The following ZNF441 variants were observed in gnomAD, a reference collection of about 807,000 sequenced individuals.
ZNF441 encodes zinc finger protein 441.
A neutral mutation model predicts 64.5 loss-of-function variants in ZNF441; 25 were observed. The ratio of observed to expected loss-of-function variants is 0.39; its 90% CI spans 0.28 to 0.54. The LOEUF (loss-of-function observed/expected upper bound fraction) is 0.54. Among genes scored for constraint, ZNF441 ranks in the 20% least tolerant of loss-of-function variants. The pLI is 0.70. For synonymous variants in ZNF441, 262 were observed against 268.0 expected (o/e 0.98, Z 0.22); for missense variants, 715 against 843.3 (o/e 0.85, Z 1.88).
rs957673554 is a variant in ZNF441, at chr19:11,767,559, C to T, written c.3+363C>T. Among the ~76,000 whole-genome samples, 36 of 152,212 alleles carry T rather than the reference C, an allele frequency of 2.4e-4. No homozygotes were observed. Among genetic ancestry groups the T allele is most frequent in the Admixed American group, 1.6e-3 (24 of 15,296 alleles). On this transcript the variant is annotated intron_variant, in intron 1 of 3. Transcript: ENST00000357901. This position sits in a 1 kb window ranked among gnomAD's most constrained non-coding sequence, Gnocchi z 5.1. The stretch of plus-strand genomic sequence containing the variant: ...TTTAATAGGGGGAGAGGGGAGGACA[C>T]CCCAGATCCGCCTTCCTGAGAGGTT...
rs778923498 is a variant in ZNF441, at chr19:11,781,495, A to G, written c.1671A>G (p.Lys557=). The change falls in exon 4 of 4, where the codon AAA becomes AAG. Residue 557 remains lysine (K), a synonymous_variant. Transcript: ENST00000357901. ...ATGAAAGGACTCACACTGGAGAGAA[A>G]CCCTATGGTTGTCAGCAATGTGGGA... ...QLHERTHTGE[K]PYGCQQCGKA... is the part of the protein sequence containing the mutation. 1.7e-5 allele frequency: 27 copies of G among 1,613,920 alleles called. 1 individual carries two copies. The East Asian group carries it at 2.5e-4, about 15-fold the overall frequency.
intron 1 of ZNF441, among the ~76,000 whole-genome samples, chr19:11,773,900 A>G (rs1975335045): frequency 6.6e-6 from 1 of 152,140 alleles, no homozygotes; most frequent in Non-Finnish European, 1.5e-5. Context: ...ACTGTTGAAT[A>G]TAGGTAATAC....
In ZNF441 at chr19:11,783,813, T is replaced by G. The variant is rs771643330; in HGVS notation, c.*1907T>G. The G allele has an allele frequency of 1.3e-5, 2 of 152,102 alleles. No homozygotes were observed. Among genetic ancestry groups the G allele is most frequent in the Non-Finnish European group, 2.9e-5 (2 of 68,008 alleles). The allele number at this position is 152,102 out of a possible 1,614,324, so 9.4% of individuals were successfully genotyped here. ...GAATATGTACAAATTTCCATTTAGA[T>G]CAAAGGAATAAGTTCTGATGTTAGA... On this transcript the variant is annotated 3_prime_UTR_variant, in exon 4 of 4. Transcript: ENST00000357901.
intron 2 of ZNF441, 127 bp downstream of exon 2, chr19:11,777,864 C>T: frequency 9.6e-7 from 1 of 1,045,328 alleles, no homozygotes; most frequent in Non-Finnish European, 1.4e-6. Flanking sequence ...CCCAAGCAGT[C>T]ATACATCTTC....
At chr19:11,778,484 T>A in intron 3 of ZNF441, 91 bp downstream of exon 3, 1 of 1,021,454 alleles carries the variant, frequency 9.8e-7, no homozygotes, top group Non-Finnish European at 1.4e-6. Flanking sequence ...TTAGAGACAG[T>A]GTCTCACTTT....
Position 11,767,959 on chromosome 19 carries a change from C to T in ZNF441, c.3+763C>T, listed in dbSNP as rs1232876443. Among the ~76,000 whole-genome samples the T allele has an allele frequency of 6.6e-6, 1 of 152,136 alleles. No individual in the cohort carries two copies. Among genetic ancestry groups the T allele is most frequent in the Non-Finnish European group, 1.5e-5 (1 of 68,020 alleles). ...CAGCCTGGCTCGCAGTTCTGTGAAC[C>T]CGGTGAGGAGGCTGCACGGTGATGA... On this transcript the variant is annotated intron_variant, in intron 1 of 3. Coordinates refer to ENST00000357901, the MANE Select transcript of ZNF441 (RefSeq NM_152355.3). This position sits in a 1 kb window ranked among gnomAD's most constrained non-coding sequence, Gnocchi z 5.1.
At chr19:11,769,952 G>A (rs886622443) in intron 1 of ZNF441, among the ~76,000 whole-genome samples, 1 of 152,052 alleles carries the variant, frequency 6.6e-6, no homozygotes, top group Admixed American at 6.5e-5. Flanking sequence ...GGGATTACAG[G>A]TGTGAGCCAC....
intron 1 of ZNF441, among the ~76,000 whole-genome samples, chr19:11,772,502 T>G (rs1446310904): frequency 6.6e-6 from 1 of 152,156 alleles, no homozygotes; most frequent in Non-Finnish European, 1.5e-5. Context: ...GAATACTGGA[T>G]GAACACAAGC....
Position 11,781,602 on chromosome 19 carries a change from G to A in ZNF441, c.1778G>A (p.Gly593Glu). 1 of 1,614,034 alleles carries A rather than the reference G, an allele frequency of 6.2e-7. No individual in the cohort carries two copies. The highest frequency in any genetic ancestry group is 1.1e-5 in the South Asian group (1 of 91,084). ...GNGPHKCKICGKGFDYPSSVQ... is the reference protein window; with the variant it reads ...GNGPHKCKICEKGFDYPSSVQ... ...GGACCTCATAAATGTAAGATATGTGGGAAAGGCTTTGATTATCCCAGTTCA... is the reference window on the plus strand; with the variant it reads ...GGACCTCATAAATGTAAGATATGTGAGAAAGGCTTTGATTATCCCAGTTCA... The change falls in exon 4 of 4, where the codon GGG becomes GAG. Residue 593 changes from glycine (G) to glutamate (E), a missense_variant. Physicochemically the swap from Gly to Glu is moderately conservative, Grantham distance 98. Transcript: ENST00000357901.
chr19:11,778,401 G>A lies in ZNF441; in HGVS notation c.194+8G>A. 2 of 1,536,574 alleles carry A rather than the reference G, an allele frequency of 1.3e-6. No individual in the cohort carries two copies. The highest frequency in any genetic ancestry group is 1.8e-6 in the Non-Finnish European group (2 of 1,139,206). On this transcript the variant is annotated splice_region_variant and intron_variant, in intron 3 of 3. Transcript: ENST00000357901. ...TCTCAGAAGAAATCTAAGGTAATTTGCACTCACAAGAGAAAGCTGTGTCCT... is the reference window on the plus strand; with the variant it reads ...TCTCAGAAGAAATCTAAGGTAATTTACACTCACAAGAGAAAGCTGTGTCCT...
rs1292224228 is a variant in ZNF441 at position 11,767,287 on chromosome 19, CG to C, written c.3+92del. The stretch of plus-strand genomic sequence containing the variant: ...GGCTGTGGTGGCACCAGGTCTTCCC[CG>C]CCGGCGACACCCTGGCGCAGCTCGG... On this transcript the variant is annotated intron_variant, in intron 1 of 3. Transcript: ENST00000357901. This position sits in a 1 kb window ranked among gnomAD's most constrained non-coding sequence, Gnocchi z 5.1. The C allele has an allele frequency of 1.8e-5, 28 of 1,535,182 alleles. No homozygotes were observed. The highest frequency in any genetic ancestry group is 2.5e-5 in the Non-Finnish European group (28 of 1,133,404).
chr19:11,780,617 T>C lies in ZNF441; in HGVS notation c.793T>C (p.Cys265Arg). 6.2e-7 allele frequency: 1 copy of C among 1,614,020 alleles called. No homozygotes were observed. The highest frequency in any genetic ancestry group is 1.1e-5 in the South Asian group (1 of 91,066). ...KQCGKAFSCS[C>R]YTQLYERTHT... ...ATGTGGGAAAGCCTTCAGTTGTTCC[T>C]GTTACACTCAACTATATGAAAGGAC... Residue 265 changes from cysteine to arginine, a missense_variant, in exon 4 of 4, where the codon TGT (cysteine) becomes CGT (arginine). By Grantham distance (180) the Cys-to-Arg change is radical. This residue lies in a region of ZNF441 where 399 missense variants were observed against 413.9 expected (regional missense o/e 0.96). Transcript: ENST00000357901.
chr19:11,767,831 A>G lies in ZNF441; in HGVS notation c.3+635A>G, dbSNP rs1178783492. ...ATCTCATCCCCAAGCACAATGGCGA[A>G]GCCGGCGGTCAGCATCTGCTGTGGC... On this transcript the variant is annotated intron_variant, in intron 1 of 3. Transcript: ENST00000357901. This position sits in a 1 kb window ranked among gnomAD's most constrained non-coding sequence, Gnocchi z 5.1. Among the ~76,000 whole-genome samples, 1 of 152,206 alleles carries G rather than the reference A, an allele frequency of 6.6e-6. No homozygotes were observed. The highest frequency in any genetic ancestry group is 1.5e-5 in the Non-Finnish European group (1 of 68,040).
chr19:11,772,277 G>A (rs1975320384), intron 1 of ZNF441, among the ~76,000 whole-genome samples: 1 of 152,190 alleles, frequency 6.6e-6, no homozygotes, highest in Non-Finnish European at 1.5e-5. Context: ...CACATTGGTG[G>A]TAGTGGTCCC....
In ZNF441 at chr19:11,780,184, C is replaced by T; in HGVS notation, c.360C>T (p.Cys120=). 1 of 1,614,132 alleles carries T rather than the reference C, an allele frequency of 6.2e-7. No homozygotes were observed. The highest frequency in any genetic ancestry group is 8.5e-7 in the Non-Finnish European group (1 of 1,180,020). ...TCATGGGTCGTTCATCTCTTAATTG[C>T]TACGTTAGAGTTGACAGTGAACACA... ...DVLMGRSSLN[C]YVRVDSEHKP... is the part of the protein sequence containing the mutation. Residue 120 remains cysteine (C), a synonymous_variant, in exon 4 of 4, where the codon TGC becomes TGT. Transcript: ENST00000357901.
intron 1 of ZNF441, among the ~76,000 whole-genome samples, chr19:11,777,137 T>C (rs1179939170): frequency 1.3e-5 from 2 of 152,198 alleles, no homozygotes; most frequent in African/African-American, 4.8e-5. Context: ...TGGCTTAGTC[T>C]GTTTTTTGTT....
intron 1 of ZNF441, 75 bp from the exon 2 acceptor site, chr19:11,777,536 A>T: frequency 6.6e-7 from 1 of 1,514,536 alleles, no homozygotes; most frequent in Non-Finnish European, 8.9e-7. Flanking sequence ...CATCATGTGA[A>T]GGTTATGAAG....
In ZNF441 at chr19:11,773,875, G is replaced by A. The variant is rs80322990; in HGVS notation, c.4-3736G>A. On this transcript the variant is annotated intron_variant, in intron 1 of 3. Transcript: ENST00000357901. ...CCTTCTTTTTCATTATACTCTGCCAGTCCCTGCCTTTTTTACTGTTGAATA... is the reference window on the plus strand; with the variant it reads ...CCTTCTTTTTCATTATACTCTGCCAATCCCTGCCTTTTTTACTGTTGAATA... Among the ~76,000 whole-genome samples the A allele has an allele frequency of 3.4e-3, 524 of 152,154 alleles. 20 individuals carry two copies. In the East Asian group the frequency reaches 0.084, roughly 24 times the overall value.
rs1975424743 is a variant in ZNF441 at position 11,783,958 on chromosome 19, C to T, written c.*2052C>T. The T allele has an allele frequency of 6.6e-6, 1 of 152,122 alleles. No individual in the cohort carries two copies. 9.4% of individuals were successfully genotyped at this position (152,122 alleles called of 1,614,324 possible). ...TGGTAAATACTCAAGATCATGGATA[C>T]CCCAAATACGCTGACTTGACCATTA... is the stretch of plus-strand genomic sequence containing the variant. On this transcript the variant is annotated 3_prime_UTR_variant, in exon 4 of 4. Coordinates refer to ENST00000357901, the MANE Select transcript of ZNF441 (RefSeq NM_152355.3).
Sources: allele counts gnomAD v4.1 joint callset (sites outside exome capture counted in the v4.1 genomes callset), GRCh38; gene constraint gnomAD v4.1.1; regional missense constraint gnomAD v4.1.1; non-coding constraint Gnocchi (gnomAD v3.1); transcripts MANE v1.5; gene names NCBI Gene and HGNC (gene_info 2026-07-23, HGNC 2026-07-21).